Variants in LRRTM3 observed in about 807,000 individuals in gnomAD.
LRRTM3 encodes leucine-rich repeat transmembrane neuronal protein 3.
In LRRTM3, 24 loss-of-function variants were observed where a neutral mutation model predicts 44.7. That is an observed-to-expected ratio of 0.54 (90% confidence interval 0.39 to 0.76). LRRTM3 has a LOEUF of 0.76. LRRTM3 is among the 30% of genes least tolerant of loss of function. The pLI is 0.00. For synonymous variants in LRRTM3, 277 were observed against 278.7 expected (o/e 0.99, Z 0.06); for missense variants, 587 against 702.2 (o/e 0.84, Z 1.85).
In LRRTM3 at chr10:67,085,716, C is replaced by A. The variant is rs145422322; in HGVS notation, c.1537-11871C>A. On this transcript the variant is annotated intron_variant, in intron 2 of 2. Coordinates refer to ENST00000361320, the MANE Select transcript of LRRTM3 (RefSeq NM_178011.5). Reference sequence around the variant, plus strand: ...TTCATTACAAATGTAAATACATAGACTTGGTTATAATCTATTCAGTTCCCT... The same window carrying A: ...TTCATTACAAATGTAAATACATAGAATTGGTTATAATCTATTCAGTTCCCT... 4.8e-4 allele frequency among the ~76,000 whole-genome samples: 73 copies of A among 152,022 alleles called. 1 individual carries two copies. The East Asian group carries it at 0.013, about 28-fold the overall frequency.
intron 2 of LRRTM3, among the ~76,000 whole-genome samples, chr10:67,053,642 C>T (rs1271161421): frequency 6.6e-6 from 1 of 152,088 alleles, no homozygotes; most frequent in Admixed American, 6.6e-5. Context: ...CTGTAAATTT[C>T]CTGGAAATGC....
intron 2 of LRRTM3, among the ~76,000 whole-genome samples, chr10:66,959,715 T>C (rs1333623620): frequency 2.6e-5 from 4 of 152,196 alleles, no homozygotes; most frequent in Non-Finnish European, 5.9e-5. Context: ...AATCTCTAAT[T>C]TCTTAAGCTC....
intron 2 of LRRTM3, among the ~76,000 whole-genome samples, chr10:66,964,135 C>A (rs1849273433): frequency 6.6e-6 from 1 of 152,070 alleles, no homozygotes; most frequent in South Asian, 2.1e-4. Flanking sequence ...CAGGTGTGAG[C>A]CACCGCACCC....
intron 2 of LRRTM3, among the ~76,000 whole-genome samples, chr10:67,083,995 G>C (rs1270162837): frequency 6.6e-6 from 1 of 152,124 alleles, no homozygotes; most frequent in African/African-American, 2.4e-5. Context: ...GGTTTCCAAG[G>C]TCAATGCCAG....
At chr10:67,080,581 C>T in intron 2 of LRRTM3, among the ~76,000 whole-genome samples, 1 of 151,954 alleles carries the variant, frequency 6.6e-6, no homozygotes, top group South Asian at 2.1e-4. Flanking sequence ...ATTCAATAGG[C>T]ATCATCTTCA....
chr10:66,977,873 G>C (rs1240693617), intron 2 of LRRTM3, among the ~76,000 whole-genome samples: 1 of 152,000 alleles, frequency 6.6e-6, no homozygotes. Flanking sequence ...CTTTCATTTG[G>C]AAACAATACA....
chr10:66,937,246 C>T (rs1427296285), intron 2 of LRRTM3, among the ~76,000 whole-genome samples: 3 of 152,062 alleles, frequency 2.0e-5, no homozygotes, highest in African/African-American at 4.8e-5. Context: ...GTCTCAACAT[C>T]GTCATCCTAA....
intron 2 of LRRTM3, among the ~76,000 whole-genome samples, chr10:67,089,997 A>G (rs1857535768): frequency 6.6e-6 from 1 of 152,054 alleles, no homozygotes; most frequent in Non-Finnish European, 1.5e-5. Context: ...AAATAATCAA[A>G]CTACAGATTA....
chr10:67,097,433 G>A (rs1014155843), intron 2 of LRRTM3, among the ~76,000 whole-genome samples, 154 bp from the exon 3 acceptor site: 2 of 151,830 alleles, frequency 1.3e-5, no homozygotes, highest in Admixed American at 1.3e-4. Flanking sequence ...TATAGGAATA[G>A]GGGGCATTAG....
At chr10:66,978,962 T>G (rs1311289616) in intron 2 of LRRTM3, among the ~76,000 whole-genome samples, 2 of 45,708 alleles carry the variant, frequency 4.4e-5, no homozygotes, top group African/African-American at 1.0e-4. Context: ...CTTATTTCCT[T>G]TTTTTTTTTT....
chr10:66,939,145 C>G (rs1476862799), intron 2 of LRRTM3, among the ~76,000 whole-genome samples: 1 of 152,160 alleles, frequency 6.6e-6, no homozygotes, highest in African/African-American at 2.4e-5. Flanking sequence ...CTCCAACACT[C>G]AGAAGCTGAC....
intron 2 of LRRTM3, among the ~76,000 whole-genome samples, chr10:67,059,112 G>A (rs1230179519): frequency 6.6e-6 from 1 of 152,156 alleles, no homozygotes; most frequent in Non-Finnish European, 1.5e-5. Flanking sequence ...TAATCCTTTA[G>A]TCATAATTAT....
chr10:67,085,647 G>A (rs1270657281), intron 2 of LRRTM3, among the ~76,000 whole-genome samples: 2 of 151,902 alleles, frequency 1.3e-5, no homozygotes, highest in South Asian at 2.1e-4. Flanking sequence ...GAAATAATGA[G>A]TTAGTTTACC....
intron 2 of LRRTM3, among the ~76,000 whole-genome samples, chr10:66,936,190 A>G (rs941444025): frequency 2.6e-5 from 4 of 152,198 alleles, no homozygotes; most frequent in African/African-American, 9.6e-5. Flanking sequence ...GGTCTAACAC[A>G]CACAGATGTG....
rs759434613 is a variant in LRRTM3, at chr10:67,101,397, T to C, written c.*3601T>C. Among the ~76,000 whole-genome samples the C allele has an allele frequency of 1.3e-5, 2 of 151,684 alleles. No homozygotes were observed. Among genetic ancestry groups the C allele is most frequent in the Non-Finnish European group, 3.0e-5 (2 of 67,784 alleles). ...TTTCTTTTTTTCTTTTGGCAAGATT[T>C]CTTCTTAAACCATGAAATTTTTTTT... On this transcript the variant is annotated 3_prime_UTR_variant, in exon 3 of 3. Transcript: ENST00000361320.
intron 2 of LRRTM3, among the ~76,000 whole-genome samples, chr10:67,024,089 G>A (rs1853199444): frequency 6.6e-6 from 1 of 152,184 alleles, no homozygotes; most frequent in Non-Finnish European, 1.5e-5. Flanking sequence ...GCCTCACTGA[G>A]CTAAAGTCAA....
At chr10:67,052,164 G>C (rs749417907) in intron 2 of LRRTM3, among the ~76,000 whole-genome samples, 21 of 152,070 alleles carry the variant, frequency 1.4e-4, no homozygotes, top group Non-Finnish European at 2.4e-4. Context: ...TTCTTTCCCT[G>C]CTAGGTCCTC....
intron 2 of LRRTM3, among the ~76,000 whole-genome samples, chr10:66,949,332 G>T (rs1848422313): frequency 6.6e-6 from 1 of 152,082 alleles, no homozygotes; most frequent in Non-Finnish European, 1.5e-5. Context: ...CGAGGCAGGT[G>T]GATCACCTGA....
At chr10:67,048,182 A>G (rs1275338445) in intron 2 of LRRTM3, among the ~76,000 whole-genome samples, 1 of 152,074 alleles carries the variant, frequency 6.6e-6, no homozygotes, top group Non-Finnish European at 1.5e-5. Flanking sequence ...CATGAGGTAC[A>G]AACAAAAATA....
Sources: gnomAD v4.1 joint callset for allele counts (sites outside exome capture counted in the v4.1 genomes callset) on GRCh38, gnomAD v4.1.1 for gene constraint, MANE v1.5 for transcripts, NCBI Gene and HGNC (gene_info 2026-07-23, HGNC 2026-07-21) for gene names.